GRAMD2B: variants seen among roughly 807,000 people sequenced by gnomAD.
The protein encoded by GRAMD2B is GRAM domain-containing protein 2B.
Under a neutral mutation model 59.2 loss-of-function variants are expected in GRAMD2B, and 41 were observed. The ratio of observed to expected loss-of-function variants is 0.69; its 90% CI spans 0.54 to 0.90. The LOEUF is 0.90. GRAMD2B is among the 40% of genes least tolerant of loss of function. The pLI is 0.00. For synonymous variants in GRAMD2B, 161 were observed against 182.7 expected (o/e 0.88, Z 0.96); for missense variants, 424 against 500.5 (o/e 0.85, Z 1.46).
intron 1 of GRAMD2B, among the ~76,000 whole-genome samples, chr5:126,409,279 T>G (rs945999737): frequency 1.2e-4 from 18 of 152,084 alleles, no homozygotes; most frequent in South Asian, 1.0e-3. Context: ...TTCCACAATG[T>G]TTAAACTAGT....
chr5:126,447,593 G>A (rs559706776), intron 1 of GRAMD2B, among the ~76,000 whole-genome samples: 10 of 151,838 alleles, frequency 6.6e-5, no homozygotes, highest in Non-Finnish European at 1.5e-4. Flanking sequence ...GAACCCGGGA[G>A]GCGGAGCTTG....
intron 2 of GRAMD2B, chr5:126,466,317 T>C: frequency 1.1e-5 from 16 of 1,456,242 alleles, no homozygotes; most frequent in African/African-American, 1.4e-5. Context: ...TCCAAATCTA[T>C]GCTTCATTCA....
intron 1 of GRAMD2B, among the ~76,000 whole-genome samples, chr5:126,434,816 C>T (rs144935820): frequency 4.5e-4 from 69 of 152,284 alleles, no homozygotes; most frequent in African/African-American, 8.9e-4. Flanking sequence ...CGTGCCCAGC[C>T]GATAATTATC....
At chr5:126,465,324 GA>G (rs780311634) in intron 1 of GRAMD2B, 101 bp from the exon 2 acceptor site, 51 of 1,577,512 alleles carry the variant, frequency 3.2e-5, no homozygotes, top group Non-Finnish European at 4.2e-5. Flanking sequence ...AGTGAGGAAT[GA>G]AAATCATTCC....
intron 1 of GRAMD2B, among the ~76,000 whole-genome samples, chr5:126,441,786 C>T (rs1364858275): frequency 6.6e-6 from 1 of 152,030 alleles, no homozygotes; most frequent in East Asian, 1.9e-4. Context: ...GGAACCAGCT[C>T]GTTAGAGGCT....
rs1260165235 is a variant in GRAMD2B at position 126,494,201 on chromosome 5, C to T, written c.*1245C>T. ...AGTTCGTAAATTCCTTTAACCAAGACTTAACTATGCTTTTTAACTCTTTTT... is the reference window on the plus strand; with the variant it reads ...AGTTCGTAAATTCCTTTAACCAAGATTTAACTATGCTTTTTAACTCTTTTT... On this transcript the variant is annotated 3_prime_UTR_variant, in exon 14 of 14. Coordinates refer to ENST00000285689, the MANE Select transcript of GRAMD2B (RefSeq NM_023927.4). 6.6e-6 allele frequency: 1 copy of T among 152,480 alleles called. No individual in the cohort carries two copies. Among genetic ancestry groups the T allele is most frequent in the Non-Finnish European group, 1.5e-5 (1 of 68,026 alleles). 9.4% of individuals were successfully genotyped at this position (152,480 alleles called of 1,614,324 possible). A position where few individuals can be genotyped will look rare whatever the true frequency, so the allele number is the denominator to read the frequency against.
At chr5:126,402,140 C>G (rs541081096) in intron 1 of GRAMD2B, among the ~76,000 whole-genome samples, 1 of 152,200 alleles carries the variant, frequency 6.6e-6, no homozygotes, top group South Asian at 2.1e-4. Context: ...TATCAGCACT[C>G]ACATCCAGTG....
chr5:126,410,408 C>T lies in GRAMD2B; in HGVS notation c.125+38841C>T, dbSNP rs553368957. On this transcript the variant is annotated intron_variant, in intron 1 of 8. Coordinates refer to the GRAMD2B transcript ENST00000506445. ...TCTCCTTGAAGAGGTCCTTCACGTCCCTTGTAAGTTGGATTCCTAGGTATT... is the reference window on the plus strand; with the variant it reads ...TCTCCTTGAAGAGGTCCTTCACGTCTCTTGTAAGTTGGATTCCTAGGTATT... Among the ~76,000 whole-genome samples, 592 of 151,630 alleles carry T rather than the reference C, an allele frequency of 3.9e-3. 10 individuals are homozygous for T. The highest frequency in any genetic ancestry group is 0.028 in the Admixed American group (432 of 15,198).
intron 1 of GRAMD2B, among the ~76,000 whole-genome samples, chr5:126,380,936 T>C (rs1466872664): frequency 6.6e-6 from 1 of 152,200 alleles, no homozygotes; most frequent in Non-Finnish European, 1.5e-5. Context: ...TTCAATACTA[T>C]GTTGAATAGA....
chr5:126,414,281 A>G (rs531468742), intron 1 of GRAMD2B, among the ~76,000 whole-genome samples: 2 of 152,254 alleles, frequency 1.3e-5, no homozygotes, highest in Admixed American at 1.3e-4. Flanking sequence ...GTCTATTTCC[A>G]ATGTCTGAAT....
At chr5:126,402,760 C>A (rs981294870) in intron 1 of GRAMD2B, among the ~76,000 whole-genome samples, 31 of 152,040 alleles carry the variant, frequency 2.0e-4, no homozygotes, top group African/African-American at 7.5e-4. Context: ...TGTTGAATTA[C>A]AGGCCAAGGA....
chr5:126,409,670 T>C (rs1241070693), intron 1 of GRAMD2B, among the ~76,000 whole-genome samples: 1 of 152,220 alleles, frequency 6.6e-6, no homozygotes, highest in Non-Finnish European at 1.5e-5. Context: ...TGTCTTTTGC[T>C]GTGCAGAAGC....
At chr5:126,465,352 T>C (rs753542165) in intron 1 of GRAMD2B, 74 bp from the exon 2 acceptor site, 1 of 1,603,922 alleles carries the variant, frequency 6.2e-7, no homozygotes, top group South Asian at 1.1e-5. Context: ...TAGAAAACCA[T>C]GTTACTTCAT....
intron 1 of GRAMD2B, among the ~76,000 whole-genome samples, chr5:126,440,090 A>T (rs2149827649): frequency 6.6e-6 from 1 of 152,290 alleles, no homozygotes; most frequent in East Asian, 1.9e-4. Flanking sequence ...TAATACAGTC[A>T]ATTACCTTTC....
chr5:126,422,542 T>C (rs940008266), upstream of GRAMD2B, among the ~76,000 whole-genome samples: 11 of 152,188 alleles, frequency 7.2e-5, no homozygotes, highest in Non-Finnish European at 1.6e-4. Flanking sequence ...TCCTTAGTGT[T>C]AGTATATTTT....
In GRAMD2B at chr5:126,365,704, C is replaced by CT. The variant is rs112763413; in HGVS notation, c.128+5259dup. ...AATTGGCCAGTGCTACAAATCAGAG[C>CT]TTTTTTTTTTTTTTCCTGGAAAACC... On this transcript the variant is annotated intron_variant, in intron 1 of 13. Coordinates refer to the GRAMD2B transcript ENST00000513040. 3.5e-3 allele frequency among the ~76,000 whole-genome samples: 493 copies of CT among 140,548 alleles called. 1 individual carries two copies. Among genetic ancestry groups the CT allele is most frequent in the Non-Finnish European group, 5.0e-3 (321 of 64,192 alleles). 92.2% of individuals were successfully genotyped at this position (140,548 alleles called of 152,430 possible). A position where few individuals can be genotyped will look rare whatever the true frequency, so the allele number is the denominator to read the frequency against.
intron 1 of GRAMD2B, among the ~76,000 whole-genome samples, chr5:126,461,822 T>A (rs931452837): frequency 6.6e-5 from 10 of 152,068 alleles, no homozygotes; most frequent in Admixed American, 5.9e-4. Context: ...TAAATAAAAA[T>A]AAAAATGCTC....
At chr5:126,444,689 TCTC>T (rs1275918284) in intron 1 of GRAMD2B, among the ~76,000 whole-genome samples, 1 of 152,214 alleles carries the variant, frequency 6.6e-6, no homozygotes, top group Non-Finnish European at 1.5e-5. Flanking sequence ...TTTCTTTTCT[TCTC>T]CTCTTCAACT....
At chr5:126,377,533 A>G (rs1442813297) in intron 1 of GRAMD2B, among the ~76,000 whole-genome samples, 1 of 152,104 alleles carries the variant, frequency 6.6e-6, no homozygotes, top group East Asian at 1.9e-4. Flanking sequence ...CCTCTTTCAC[A>G]CTTTTCCTCC....
Sources: allele counts gnomAD v4.1 joint callset (sites outside exome capture counted in the v4.1 genomes callset), GRCh38; gene constraint gnomAD v4.1.1; transcripts MANE v1.5; gene names NCBI Gene and HGNC (gene_info 2026-07-23, HGNC 2026-07-21).